ALKBH8: variants seen among roughly 807,000 people sequenced by gnomAD.
The protein encoded by ALKBH8 is tRNA (carboxymethyluridine(34)-5-O)-methyltransferase ALKBH8.
ALKBH8 carries 36 observed loss-of-function variants against 59.8 expected under a neutral mutation model. The ratio of observed to expected loss-of-function variants is 0.60; its 90% confidence interval spans 0.46 to 0.79. ALKBH8 has a LOEUF of 0.79. Ranked by LOEUF, ALKBH8 falls within the 30% of genes least tolerant of loss-of-function variation. The pLI is 0.00. For synonymous variants in ALKBH8, 276 were observed against 273.6 expected (o/e 1.01, Z -0.09); for missense variants, 768 against 801.0 (o/e 0.96, Z 0.50).
At chr11:107,525,419 C>T (rs767144518) in intron 9 of ALKBH8, 22 bp downstream of exon 9, 94 of 1,519,734 alleles carry the variant, frequency 6.2e-5, no homozygotes, top group Non-Finnish European at 7.4e-5. Context: ...ATTTTACAGA[C>T]GAGATAAGAG....
chr11:107,520,012 C>A (rs1183950257), intron 10 of ALKBH8, among the ~76,000 whole-genome samples: 3 of 152,014 alleles, frequency 2.0e-5, no homozygotes, highest in Non-Finnish European at 4.4e-5. Flanking sequence ...TAAGGAGTAC[C>A]CTGGATCCTA....
chr11:107,522,502 C>T lies in ALKBH8; in HGVS notation c.1084G>A (p.Glu362Lys), dbSNP rs1863159744. Residue 362 changes from glutamate to lysine, a missense_variant, in exon 10 of 12, where the codon GAG (glutamate) becomes AAG (lysine). Physicochemically the swap from Glu to Lys is moderately conservative, Grantham distance 56. Transcript: ENST00000428149. ...AGCCGTGAGGCTTCTTTATCACTCT[C>T]TGGAAATGAGGGGGGAGTCTCTTTC... ...QRKETPPSFP[E>K]SDKEASRLEQ... 2 of 1,551,698 alleles carry T rather than the reference C, an allele frequency of 1.3e-6. No individual in the cohort carries two copies. The highest frequency in any genetic ancestry group is 2.0e-5 in the Admixed American group (1 of 51,008).
Position 107,551,832 on chromosome 11 carries a change from T to C in ALKBH8, c.676A>G (p.Ile226Val), listed in dbSNP as rs779258540. The C allele has an allele frequency of 4.5e-6, 7 of 1,545,008 alleles. No homozygotes were observed. Among genetic ancestry groups the C allele is most frequent in the Non-Finnish European group, 6.1e-6 (7 of 1,153,840 alleles). Residue 226 changes from isoleucine to valine, a missense_variant, in exon 6 of 12, where the codon ATA becomes GTA. Physicochemically the swap from Ile to Val is conservative, Grantham distance 29. Coordinates refer to ENST00000428149, the MANE Select transcript of ALKBH8 (RefSeq NM_138775.3). The part of the protein sequence containing the change: ...YIKHKPDQMT[I>V]NQYEPGQGIP... ...CCTTGCCCAGGTTCATACTGATTTA[T>C]GGTCATTTGATCAGGTTTATGTTTA...
At chr11:107,522,125 T>C (rs943354304) in intron 10 of ALKBH8, among the ~76,000 whole-genome samples, 174 bp downstream of exon 10, 6 of 152,064 alleles carry the variant, frequency 3.9e-5, no homozygotes, top group African/African-American at 1.4e-4. Context: ...AATGATGGTG[T>C]GCCCATAAAT....
chr11:107,524,024 C>T (rs1439292806), intron 9 of ALKBH8, among the ~76,000 whole-genome samples: 2 of 152,050 alleles, frequency 1.3e-5, no homozygotes, highest in East Asian at 1.9e-4. Context: ...TCATGTTGTA[C>T]ATGATAAACA....
intron 10 of ALKBH8, among the ~76,000 whole-genome samples, chr11:107,513,821 T>C (rs919257184): frequency 1.3e-5 from 2 of 152,018 alleles, no homozygotes; most frequent in Non-Finnish European, 2.9e-5. Flanking sequence ...TTTTCACGTA[T>C]AAGTAAGAGC....
At chr11:107,553,793 G>C in intron 4 of ALKBH8, 54 bp downstream of exon 4, 1 of 1,560,532 alleles carries the variant, frequency 6.4e-7, no homozygotes, top group Non-Finnish European at 8.7e-7. Context: ...CAGAGGAAAG[G>C]AAGAAGAGTT....
rs1239346484 is a variant in ALKBH8 at position 107,505,062 on chromosome 11, T to C, written c.1591A>G (p.Met531Val). Residue 531 changes from methionine to valine, a missense_variant, in exon 12 of 12, where the codon ATG becomes GTG. Transcript: ENST00000428149. Reference sequence around the variant, plus strand: ...CTCTGCACTGAGGTATCACTGTTCATCTCCTCTTTCTTTCCTTGGCTATTT... The same window carrying C: ...CTCTGCACTGAGGTATCACTGTTCACCTCCTCTTTCTTTCCTTGGCTATTT... ...NRNSQGKKEEMNSDTSVQRSL... is the reference protein window; with the variant it reads ...NRNSQGKKEEVNSDTSVQRSL... 1.3e-6 allele frequency: 2 copies of C among 1,551,678 alleles called. No homozygotes were observed. Among genetic ancestry groups the C allele is most frequent in the Admixed American group, 2.0e-5 (1 of 51,008 alleles).
At chr11:107,542,479 T>C (rs917601517) in intron 7 of ALKBH8, among the ~76,000 whole-genome samples, 1 of 152,216 alleles carries the variant, frequency 6.6e-6, no homozygotes, top group African/African-American at 2.4e-5. Context: ...GAAGGTTTCA[T>C]GAGCTTTTTA....
chr11:107,525,923 G>A (rs1863334679), intron 8 of ALKBH8, among the ~76,000 whole-genome samples: 1 of 151,882 alleles, frequency 6.6e-6, no homozygotes, highest in South Asian at 2.1e-4. Flanking sequence ...TTCATTATCA[G>A]TAATATATTA....
chr11:107,541,857 A>C (rs902587567), intron 7 of ALKBH8, among the ~76,000 whole-genome samples: 8 of 152,206 alleles, frequency 5.3e-5, no homozygotes, highest in African/African-American at 1.9e-4. Context: ...TAAAGATATA[A>C]ATGCTAAGCT....
chr11:107,511,708 C>G (rs1035926126), intron 10 of ALKBH8, among the ~76,000 whole-genome samples: 31 of 148,024 alleles, frequency 2.1e-4, no homozygotes, highest in African/African-American at 7.5e-4. Flanking sequence ...TCCTAAGTAG[C>G]TAGGATTACA....
chr11:107,542,200 T>C (rs970486378), intron 7 of ALKBH8, among the ~76,000 whole-genome samples: 1 of 152,038 alleles, frequency 6.6e-6, no homozygotes, highest in Non-Finnish European at 1.5e-5. Context: ...AAACTCAATC[T>C]ACAGATTCAA....
chr11:107,565,468 C>T, intron 1 of ALKBH8, 133 bp downstream of exon 1: 3 of 1,292,164 alleles, frequency 2.3e-6, no homozygotes, highest in Middle Eastern at 1.8e-4. Flanking sequence ...ACCAAGGGCG[C>T]CTCTGGGATC....
At chr11:107,514,414 A>G (rs903136421) in intron 10 of ALKBH8, among the ~76,000 whole-genome samples, 3 of 152,208 alleles carry the variant, frequency 2.0e-5, no homozygotes, top group Admixed American at 1.3e-4. Context: ...AACAGCTTCT[A>G]TATTTTATCC....
chr11:107,533,497 T>A (rs1370548594), intron 7 of ALKBH8, among the ~76,000 whole-genome samples: 1 of 152,192 alleles, frequency 6.6e-6, no homozygotes, highest in African/African-American at 2.4e-5. Flanking sequence ...CTTTCTAACC[T>A]ATCCTTCCAA....
chr11:107,536,897 T>C (rs1309767037), intron 7 of ALKBH8, among the ~76,000 whole-genome samples: 1 of 152,122 alleles, frequency 6.6e-6, no homozygotes, highest in African/African-American at 2.4e-5. Context: ...CATAAGAGCA[T>C]AACCAGCCAG....
At chr11:107,559,058 G>A (rs974534188) in intron 2 of ALKBH8, among the ~76,000 whole-genome samples, 1 of 152,226 alleles carries the variant, frequency 6.6e-6, no homozygotes, top group East Asian at 1.9e-4. Flanking sequence ...TCTCGTGGTA[G>A]TGAATAAGTC....
At chr11:107,565,552 A>G in intron 1 of ALKBH8, 49 bp downstream of exon 1, 1 of 1,535,448 alleles carries the variant, frequency 6.5e-7, no homozygotes, top group Admixed American at 2.0e-5. Context: ...TGAAAAGAGG[A>G]AGCGGTGATT....
Sources: gnomAD v4.1 joint callset for allele counts (sites outside exome capture counted in the v4.1 genomes callset) on GRCh38, gnomAD v4.1.1 for gene constraint, MANE v1.5 for transcripts, NCBI Gene and HGNC (gene_info 2026-07-23, HGNC 2026-07-21) for gene names.